PIK3R2: variants seen among roughly 807,000 people sequenced by gnomAD.
PIK3R2 encodes phosphoinositide-3-kinase regulatory subunit 2, also known as phosphatidylinositol 3-kinase regulatory subunit beta.
A neutral mutation model predicts 78.5 loss-of-function variants in PIK3R2; 40 were observed. The observed-to-expected ratio is 0.51, with a 90% CI of 0.40 to 0.66. The LOEUF (loss-of-function observed/expected upper bound fraction) is 0.66, where lower values mean the gene tolerates loss of function less well. PIK3R2 is among the 30% of genes least tolerant of loss of function. The probability of loss-of-function intolerance (pLI) is 0.00; values close to 1 mark genes in which losing one functional copy is unlikely to be tolerated. For missense variants in PIK3R2, 880 were observed against 1,026.6 expected, an observed-to-expected ratio of 0.86 and a Z score of 1.95; for synonymous variants, 473 against 457.7, an observed-to-expected ratio of 1.03 and a Z score of -0.43.
chr19:18,160,646 A>G (rs2147949486), intron 3 of PIK3R2, 83 bp downstream of exon 3: 1 of 1,124,150 alleles, frequency 8.9e-7, no homozygotes, highest in East Asian at 2.5e-5. Flanking sequence ...CAGGGCCTCC[A>G]AGCTCATGCT....
intron 2 of PIK3R2, among the ~76,000 whole-genome samples, chr19:18,159,476 C>CT (rs2043718141): frequency 6.6e-6 from 1 of 151,994 alleles, no homozygotes; most frequent in Non-Finnish European, 1.5e-5. Context: ...GAGTCTCACT[C>CT]TGTCACCCAG....
chr19:18,157,532 T>G (rs1205762980), intron 2 of PIK3R2, among the ~76,000 whole-genome samples: 1 of 152,196 alleles, frequency 6.6e-6, no homozygotes, highest in Non-Finnish European at 1.5e-5. Flanking sequence ...TGAAGTCACC[T>G]GAGCCCCACC....
At position 18,160,477 on chromosome 19, in the gene PIK3R2, C is replaced by A; in HGVS notation, c.329C>A (p.Thr110Lys). The change falls in exon 3 of 16, where the codon ACA becomes AAA. Residue 110 changes from threonine (T) to lysine (K), a missense_variant. By Grantham distance (78) the Thr-to-Lys change is moderately conservative. Around this residue, in one of 3 missense-constraint regions of PIK3R2, gnomAD observed 456 missense variants for 486.6 expected, o/e 0.94. Coordinates refer to ENST00000222254, the MANE Select transcript of PIK3R2 (RefSeq NM_005027.4). ...CCCCTGTTTCCCCCACCAGGCCTCA[C>A]ACTCCCCGACTTGCCCGAGCAGTTC... ...PRDGAPEPGL[T>K]LPDLPEQFSP... 1 of 1,611,286 alleles carries A rather than the reference C, an allele frequency of 6.2e-7. No homozygotes were observed. Among genetic ancestry groups the A allele is most frequent in the Non-Finnish European group, 8.5e-7 (1 of 1,177,510 alleles).
At chr19:18,154,167 A>G (rs1487733463) in intron 1 of PIK3R2, among the ~76,000 whole-genome samples, 1 of 152,090 alleles carries the variant, frequency 6.6e-6, no homozygotes, top group Non-Finnish European at 1.5e-5. Flanking sequence ...TCCATTCTCT[A>G]GAACAGCACG....
At chr19:18,160,441 A>G in intron 2 of PIK3R2, 30 bp from the exon 3 acceptor site, 2 of 1,364,238 alleles carry the variant, frequency 1.5e-6, no homozygotes, top group Non-Finnish European at 2.1e-6. Context: ...GAACCCCACC[A>G]ACATGCAACC....
Position 18,167,414 on chromosome 19 carries a change from G to A in PIK3R2, c.1736+108G>A. The A allele has an allele frequency of 1.0e-6, 1 of 983,350 alleles. No individual in the cohort carries two copies. The highest frequency in any genetic ancestry group is 1.4e-6 in the Non-Finnish European group (1 of 704,638). 60.9% of individuals were successfully genotyped at this position (983,350 alleles called of 1,614,324 possible). ...CTCTCTCCACCAAGTGGCCCTTCCT[G>A]GGCCCCGAGACCCCTTAAACTCGGT... On this transcript the variant is annotated intron_variant, in intron 13 of 15. Transcript: ENST00000222254. The surrounding 1 kb of genome is among the most constrained non-coding windows in gnomAD (Gnocchi z 4.5).
Position 18,163,038 on chromosome 19 carries a change from CCTT to C in PIK3R2, c.1184_1186del (p.Phe395del). ...CACTATGGCTTCTCAGAGCCACTCACCTTCTGCTCCGTTGTGGACCTCATCAAT... is the reference window on the plus strand; with the variant it reads ...CACTATGGCTTCTCAGAGCCACTCACCTGCTCCGTTGTGGACCTCATCAAT... On this transcript the variant is annotated inframe_deletion, in exon 10 of 16. Coordinates refer to ENST00000222254, the MANE Select transcript of PIK3R2 (RefSeq NM_005027.4). 1 of 1,613,934 alleles carries C rather than the reference CCTT, an allele frequency of 6.2e-7. No homozygotes were observed. The highest frequency in any genetic ancestry group is 8.5e-7 in the Non-Finnish European group (1 of 1,179,964).
Position 18,162,053 on chromosome 19 carries a change from T to G in PIK3R2, c.901+2T>G, listed in dbSNP as rs1288269752. On this transcript the variant is annotated splice_donor_variant, in intron 7 of 15. Transcript: ENST00000222254. LOFTEE classifies it high-confidence loss of function. ...AAGAGCAGGAGGTTGCGCCCCCAGG[T>G]GAGTCCCCTGTATTGCTGTCATTTC... The G allele has an allele frequency of 2.5e-6, 4 of 1,613,082 alleles. No individual in the cohort carries two copies.
In PIK3R2 at chr19:18,162,994, G is replaced by A. The variant is rs2147952879; in HGVS notation, c.1137G>A (p.Lys379=). 1 of 1,610,668 alleles carries A rather than the reference G, an allele frequency of 6.2e-7. No individual in the cohort carries two copies. Among genetic ancestry groups the A allele is most frequent in the Non-Finnish European group, 8.5e-7 (1 of 1,178,724 alleles). The stretch of plus-strand genomic sequence containing the variant: ...AAGGCGGGAACAATAAGCTGATCAA[G>A]GTCTTCCACCGAGATGGGCACTATG... ...LRKGGNNKLI[K]VFHRDGHYGF... Residue 379 remains lysine, a synonymous_variant, in exon 10 of 16, where the codon AAG becomes AAA. Transcript: ENST00000222254.
At position 18,162,963 on chromosome 19, in the gene PIK3R2, C is replaced by T. The variant is rs948209108; in HGVS notation, c.1110-4C>T. The stretch of plus-strand genomic sequence containing the variant: ...TGGGTGCCGACACCCCTCTCCTCCC[C>T]CAGGAAAGGCGGGAACAATAAGCTG... On this transcript the variant is annotated splice_region_variant and splice_polypyrimidine_tract_variant and intron_variant, in intron 9 of 15. Transcript: ENST00000222254. 2 of 1,612,508 alleles carry T rather than the reference C, an allele frequency of 1.2e-6. No individual in the cohort carries two copies. The highest frequency in any genetic ancestry group is 2.2e-5 in the South Asian group (2 of 91,028).
chr19:18,158,688 C>T (rs1191149648), intron 2 of PIK3R2, among the ~76,000 whole-genome samples: 1 of 152,122 alleles, frequency 6.6e-6, no homozygotes, highest in African/African-American at 2.4e-5. Flanking sequence ...AACTGAGGCC[C>T]AGAGAGGGCA....
rs1331931446 is a variant in PIK3R2 at position 18,161,405 on chromosome 19, C to A, written c.725C>A (p.Ala242Glu). ...AGCCGCGCCCCGGCCCTGGGTCCCGCGGTCCGGGCCCTGGGCGCCACCTTT... is the reference window on the plus strand; with the variant it reads ...AGCCGCGCCCCGGCCCTGGGTCCCGAGGTCCGGGCCCTGGGCGCCACCTTT... ...VASRAPALGP[A>E]VRALGATFGP... is the part of the protein sequence containing the mutation. The change falls in exon 6 of 16, where the codon GCG becomes GAG. Residue 242 changes from alanine to glutamate, a missense_variant. By Grantham distance (107) the Ala-to-Glu change is moderately radical (BLOSUM62 -1). Transcript: ENST00000222254. The surrounding 1 kb of genome is among the most constrained non-coding windows in gnomAD (Gnocchi z 5.3). The A allele has an allele frequency of 8.2e-7, 1 of 1,214,158 alleles. No homozygotes were observed. The highest frequency in any genetic ancestry group is 4.4e-5 in the Admixed American group (1 of 22,882). The allele number at this position is 1,214,158 out of a possible 1,614,324, so 75.2% of individuals were successfully genotyped here.
In PIK3R2 at chr19:18,157,010, C is replaced by A. The variant is rs2043684605; in HGVS notation, c.322+809C>A. 2.0e-5 allele frequency among the ~76,000 whole-genome samples: 3 copies of A among 152,200 alleles called. No individual in the cohort carries two copies. The South Asian group carries it at 6.2e-4, about 31-fold the overall frequency. On this transcript the variant is annotated intron_variant, in intron 2 of 15. Coordinates refer to ENST00000222254, the MANE Select transcript of PIK3R2 (RefSeq NM_005027.4). ...CCTCCCAGCAGCCCAGCAAAAGGCC[C>A]TGTGTGCAGACCGGGAGGCCTGAGT... is the stretch of plus-strand genomic sequence containing the variant.
intron 11 of PIK3R2, among the ~76,000 whole-genome samples, chr19:18,165,187 G>C (rs1386710899): frequency 6.9e-6 from 1 of 144,982 alleles, no homozygotes; most frequent in Non-Finnish European, 1.5e-5. Flanking sequence ...GGCCAACATG[G>C]TGAATCCCTG....
rs1454619733 is a variant in PIK3R2 at position 18,167,906 on chromosome 19, C to T, written c.1737-569C>T. Among the ~76,000 whole-genome samples, 1 of 152,140 alleles carries T rather than the reference C, an allele frequency of 6.6e-6. No homozygotes were observed. Among genetic ancestry groups the T allele is most frequent in the Non-Finnish European group, 1.5e-5 (1 of 68,032 alleles). The stretch of plus-strand genomic sequence containing the variant: ...AAAAATCGCCTGCTGTGCAACCTAC[C>T]ATGCTGGGTGGCTGCGGCAGCCCTG... On this transcript the variant is annotated intron_variant, in intron 13 of 15. Coordinates refer to ENST00000222254, the MANE Select transcript of PIK3R2 (RefSeq NM_005027.4). This position sits in a 1 kb window ranked among gnomAD's most constrained non-coding sequence, Gnocchi z 4.5.
chr19:18,168,908 G>C lies in PIK3R2; in HGVS notation c.1979+12G>C. ...GCCTGCTCCGTGGTGTGAGTGGACC[G>C]CAGCGGTGGGGATTCCCGCGTCCCT... On this transcript the variant is annotated intron_variant, in intron 15 of 15. Coordinates refer to ENST00000222254, the MANE Select transcript of PIK3R2 (RefSeq NM_005027.4). This position sits in a 1 kb window ranked among gnomAD's most constrained non-coding sequence, Gnocchi z 4.1. The C allele has an allele frequency of 6.2e-7, 1 of 1,607,516 alleles. No individual in the cohort carries two copies. Among genetic ancestry groups the C allele is most frequent in the Non-Finnish European group, 8.5e-7 (1 of 1,176,850 alleles).
rs2043757460 is a variant in PIK3R2, at chr19:18,162,286, A to AGT, written c.988_989dup (p.Trp330CysfsTer12). On this transcript the variant is annotated frameshift_variant, in exon 8 of 16. Transcript: ENST00000222254. LOFTEE classifies it high-confidence loss of function. ...AGCCCACCCTCCCTGCAGGATGCTG[A>AGT]GTGGTACTGGGGGGACATTTCAAGG... The AGT allele has an allele frequency of 6.2e-7, 1 of 1,609,480 alleles. No individual in the cohort carries two copies. The highest frequency in any genetic ancestry group is 1.1e-5 in the South Asian group (1 of 90,896).
chr19:18,154,847 C>T (rs972451484), intron 1 of PIK3R2, among the ~76,000 whole-genome samples: 6 of 149,860 alleles, frequency 4.0e-5, no homozygotes, highest in Non-Finnish European at 8.9e-5. Flanking sequence ...AAGGCAGAGG[C>T]AGGAGGACTG....
In PIK3R2 at chr19:18,162,335, G is replaced by T. The variant is rs769400115; in HGVS notation, c.1010+25G>T. 18 of 1,587,914 alleles carry T rather than the reference G, an allele frequency of 1.1e-5. No individual in the cohort carries two copies. The East Asian group carries it at 2.2e-4, about 20-fold the overall frequency. On this transcript the variant is annotated intron_variant, in intron 8 of 15. Coordinates refer to ENST00000222254, the MANE Select transcript of PIK3R2 (RefSeq NM_005027.4). ...GGTAGGTTGCTGGCAGGGGGCCAGG[G>T]ACCAAGGAGGTGTCACAGGGTGAGC... is the stretch of plus-strand genomic sequence containing the variant.
Sources: gnomAD v4.1 joint callset for allele counts (sites outside exome capture counted in the v4.1 genomes callset) on GRCh38, gnomAD v4.1.1 for gene constraint, gnomAD v4.1.1 regional missense constraint, Gnocchi (gnomAD v3.1) non-coding constraint, MANE v1.5 for transcripts, NCBI Gene and HGNC (gene_info 2026-07-23, HGNC 2026-07-21) for gene names.